MCU: variants seen among roughly 807,000 people sequenced by gnomAD.
The protein encoded by MCU is calcium uniporter protein, mitochondrial.
A neutral mutation model predicts 45.2 loss-of-function variants in MCU; 12 were observed. That is an observed-to-expected ratio of 0.27 (90% CI 0.17 to 0.43). The LOEUF (loss-of-function observed/expected upper bound fraction) is 0.43, where lower values mean the gene tolerates loss of function less well. MCU is among the 20% of genes least tolerant of loss of function. The pLI, the probability that MCU is intolerant of heterozygous loss-of-function variation, is 1.00. For missense variants in MCU, 324 were observed against 436.7 expected, an observed-to-expected ratio of 0.74 and a Z score of 2.30; for synonymous variants, 160 against 165.1, an observed-to-expected ratio of 0.97 and a Z score of 0.24.
intron 1 of MCU, among the ~76,000 whole-genome samples, chr10:72,693,576 C>G (rs987879614): frequency 6.6e-6 from 1 of 152,140 alleles, no homozygotes; most frequent in Non-Finnish European, 1.5e-5. Context: ...CCTGAAAGAT[C>G]TATGAAAAGA....
rs776609775 is a variant in MCU at position 72,805,099 on chromosome 10, TTC to T, written c.151-29256_151-29255del. Among the ~76,000 whole-genome samples, 520 of 57,024 alleles carry T rather than the reference TTC, an allele frequency of 9.1e-3. 5 individuals carry two copies. Among genetic ancestry groups the T allele is most frequent in the African/African-American group, 0.03 (441 of 14,590 alleles). The allele number at this position is 57,024 out of a possible 152,430, so 37.4% of individuals were successfully genotyped here. ...TTTGTTTCTTTCTTTCTTTCTTTCT[TTC>T]TCTTTCTTTCTTTCTTTCTTTCTTT... On this transcript the variant is annotated intron_variant, in intron 1 of 7. Coordinates refer to ENST00000373053, the MANE Select transcript of MCU (RefSeq NM_138357.3).
At position 72,792,921 on chromosome 10, in the gene MCU, C is replaced by T. The variant is rs535547545; in HGVS notation, c.151-41438C>T. 1.9e-4 allele frequency among the ~76,000 whole-genome samples: 29 copies of T among 151,918 alleles called. No individual in the cohort carries two copies. The South Asian group carries it at 6.0e-3, about 32-fold the overall frequency. Reference sequence around the variant, plus strand: ...TGAGATGGAGTCTCACTCTGTTGCCCAGGCTGGAGTGCAGTGGCACGATCT... The same window carrying T: ...TGAGATGGAGTCTCACTCTGTTGCCTAGGCTGGAGTGCAGTGGCACGATCT... On this transcript the variant is annotated intron_variant, in intron 1 of 7. Transcript: ENST00000373053.
At chr10:72,857,474 A>G (rs1308430819) in intron 2 of MCU, among the ~76,000 whole-genome samples, 1 of 152,018 alleles carries the variant, frequency 6.6e-6, no homozygotes, top group African/African-American at 2.4e-5. Flanking sequence ...TCTTGACCTC[A>G]TGATCTGCCC....
At chr10:72,754,591 T>C (rs1398147634) in intron 1 of MCU, among the ~76,000 whole-genome samples, 3 of 151,984 alleles carry the variant, frequency 2.0e-5, no homozygotes, top group African/African-American at 7.2e-5. Context: ...TACAAAGAAT[T>C]AAAAAATTAG....
chr10:72,751,703 T>C (rs1843502325), intron 1 of MCU, among the ~76,000 whole-genome samples: 1 of 152,026 alleles, frequency 6.6e-6, no homozygotes, highest in Admixed American at 6.6e-5. Flanking sequence ...CCCGAGGGTC[T>C]GGCTTCCTTT....
chr10:72,839,156 A>G (rs148944877), intron 2 of MCU, among the ~76,000 whole-genome samples: 111 of 151,904 alleles, frequency 7.3e-4, no homozygotes, highest in Middle Eastern at 3.4e-3. Context: ...CGCCCGACTG[A>G]TTTTTGTATT....
At chr10:72,723,925 A>G (rs1183228569) in intron 1 of MCU, among the ~76,000 whole-genome samples, 2 of 152,346 alleles carry the variant, frequency 1.3e-5, no homozygotes, top group East Asian at 3.9e-4. Context: ...AACATCTTTA[A>G]AAGTCCATCT....
In MCU at chr10:72,703,864, C is replaced by G. The variant is rs188725204; in HGVS notation, c.150+11563C>G. 4.5e-4 allele frequency among the ~76,000 whole-genome samples: 69 copies of G among 151,692 alleles called. 1 individual carries two copies. Among genetic ancestry groups the G allele is most frequent in the Middle Eastern group, 3.4e-3 (1 of 294 alleles). Reference sequence around the variant, plus strand: ...TGAGCAGAGATCACTGCATTCCAGTCTGGGCGACAGCAAGACTCTGTCTCA... The same window carrying G: ...TGAGCAGAGATCACTGCATTCCAGTGTGGGCGACAGCAAGACTCTGTCTCA... On this transcript the variant is annotated intron_variant, in intron 1 of 7. Transcript: ENST00000373053.
chr10:72,768,671 G>C (rs781285809), intron 1 of MCU, among the ~76,000 whole-genome samples: 7 of 152,102 alleles, frequency 4.6e-5, no homozygotes, highest in African/African-American at 7.2e-5. Context: ...GCCATCAGTT[G>C]TAAGACACTG....
intron 1 of MCU, among the ~76,000 whole-genome samples, chr10:72,788,633 C>A (rs1844112841): frequency 6.6e-6 from 1 of 152,008 alleles, no homozygotes; most frequent in Non-Finnish European, 1.5e-5. Context: ...TCTCATGAGA[C>A]CCTGTCTAAA....
At chr10:72,739,288 T>C (rs1284580025) in intron 1 of MCU, among the ~76,000 whole-genome samples, 1 of 152,222 alleles carries the variant, frequency 6.6e-6, no homozygotes, top group Admixed American at 6.5e-5. Context: ...AGATAGACCG[T>C]TCCTTTCAGT....
intron 1 of MCU, among the ~76,000 whole-genome samples, chr10:72,811,052 C>G (rs1297160379): frequency 1.3e-5 from 2 of 152,148 alleles, no homozygotes; most frequent in African/African-American, 2.4e-5. Context: ...TCAGCACATG[C>G]TTTTAGAAAT....
intron 1 of MCU, among the ~76,000 whole-genome samples, chr10:72,757,311 G>A (rs1843592315): frequency 6.6e-6 from 1 of 152,134 alleles, no homozygotes; most frequent in Non-Finnish European, 1.5e-5. Flanking sequence ...CAAGGGAGAT[G>A]TGACATTATT....
intron 1 of MCU, among the ~76,000 whole-genome samples, chr10:72,707,451 G>A (rs1293563314): frequency 6.6e-6 from 1 of 151,964 alleles, no homozygotes; most frequent in African/African-American, 2.4e-5. Flanking sequence ...CACCCGCCTC[G>A]GCCTCCCAAA....
intron 1 of MCU, among the ~76,000 whole-genome samples, chr10:72,807,487 T>A (rs142877265): frequency 3.3e-3 from 495 of 152,282 alleles, no homozygotes; most frequent in African/African-American, 0.011. Context: ...TTTTTGTTTG[T>A]CATTTTTATT....
intron 4 of MCU, among the ~76,000 whole-genome samples, chr10:72,861,207 G>A (rs1845370367): frequency 6.6e-6 from 1 of 151,528 alleles, no homozygotes; most frequent in Admixed American, 6.6e-5. Flanking sequence ...TTTTCTTTTT[G>A]TAGAGATGAA....
At chr10:72,726,729 AC>A (rs1843106977) in intron 1 of MCU, among the ~76,000 whole-genome samples, 1 of 151,620 alleles carries the variant, frequency 6.6e-6, no homozygotes, top group Non-Finnish European at 1.5e-5. Flanking sequence ...GGAATACTCA[AC>A]CCATATTTAA....
rs1279092653 is a variant in MCU at position 72,805,091 on chromosome 10, TTCTTTCTTTC to T, written c.151-29256_151-29247del. On this transcript the variant is annotated intron_variant, in intron 1 of 7. Transcript: ENST00000373053. ...GGCCCTAGTTTGTTTCTTTCTTTCT[TTCTTTCTTTC>T]TCTTTCTTTCTTTCTTTCTTTCTTT... Among the ~76,000 whole-genome samples the T allele has an allele frequency of 4.0e-3, 504 of 125,896 alleles. 8 individuals are homozygous for T. The highest frequency in any genetic ancestry group is 0.014 in the African/African-American group (434 of 30,818). The allele number at this position is 125,896 out of a possible 152,430, so 82.6% of individuals were successfully genotyped here. A position where few individuals can be genotyped will look rare whatever the true frequency, so the allele number is the denominator to read the frequency against.
chr10:72,831,144 A>G (rs1375911128), intron 1 of MCU, among the ~76,000 whole-genome samples: 1 of 152,230 alleles, frequency 6.6e-6, no homozygotes, highest in Non-Finnish European at 1.5e-5. Flanking sequence ...AAGAATATGA[A>G]TCGTTAAAAC....
Sources: gnomAD v4.1 joint callset for allele counts (sites outside exome capture counted in the v4.1 genomes callset) on GRCh38, gnomAD v4.1.1 for gene constraint, MANE v1.5 for transcripts, NCBI Gene and HGNC (gene_info 2026-07-23, HGNC 2026-07-21) for gene names.